Variants in PDE1C observed in about 807,000 individuals in gnomAD.
PDE1C encodes dual specificity calcium/calmodulin-dependent 3',5'-cyclic nucleotide phosphodiesterase 1C.
PDE1C carries 62 observed loss-of-function variants against 93.1 expected under a neutral mutation model. The ratio of observed to expected loss-of-function variants is 0.67; its 90% CI spans 0.54 to 0.82. PDE1C has a LOEUF of 0.82. Ranked by LOEUF, PDE1C falls within the 40% of genes least tolerant of loss-of-function variation. The pLI is 0.00. For synonymous variants in PDE1C, 325 were observed against 310.1 expected (o/e 1.05, Z -0.50); for missense variants, 742 against 884.6 (o/e 0.84, Z 2.04).
intron 9 of PDE1C, among the ~76,000 whole-genome samples, chr7:31,843,958 ATAACTTTATG>A (rs1283973453): frequency 1.3e-5 from 2 of 151,744 alleles, no homozygotes; most frequent in Admixed American, 6.6e-5. Flanking sequence ...TGTCTACTGT[ATAACTTTATG>A]TAACATTTAA....
At chr7:31,780,455 T>A (rs1357674175) in intron 16 of PDE1C, among the ~76,000 whole-genome samples, 2 of 152,240 alleles carry the variant, frequency 1.3e-5, no homozygotes, top group African/African-American at 4.8e-5. Context: ...GTTTGTTCCA[T>A]CTATGCTAGC....
intron 1 of PDE1C, among the ~76,000 whole-genome samples, chr7:32,337,887 T>G (rs1783661654): frequency 6.6e-6 from 1 of 151,814 alleles, no homozygotes; most frequent in African/African-American, 2.4e-5. Context: ...GGCAGCGGAG[T>G]CTTTTCAACA....
the PDE1C span, among the ~76,000 whole-genome samples, chr7:31,682,725 T>C: frequency 6.6e-6 from 1 of 152,206 alleles, no homozygotes; most frequent in African/African-American, 2.4e-5. Context: ...TCAGCTCAGA[T>C]GTCTTTCAGC....
At chr7:32,329,362 G>C (rs910279867) in intron 1 of PDE1C, among the ~76,000 whole-genome samples, 6 of 152,164 alleles carry the variant, frequency 3.9e-5, no homozygotes, top group African/African-American at 1.4e-4. Context: ...CGTAGCCATT[G>C]TTTACTGGGC....
At chr7:31,674,683 C>T in the PDE1C span, among the ~76,000 whole-genome samples, 2 of 152,084 alleles carry the variant, frequency 1.3e-5, no homozygotes, top group Non-Finnish European at 2.9e-5. Flanking sequence ...AGAATGGACT[C>T]TTTAAGAAAT....
chr7:31,796,731 T>TA (rs908457345), intron 16 of PDE1C, among the ~76,000 whole-genome samples: 19 of 151,434 alleles, frequency 1.3e-4, no homozygotes, highest in Middle Eastern at 3.2e-3. Flanking sequence ...CCCAAATCTA[T>TA]AAAAAAAACC....
rs141849128 is a variant in PDE1C, at chr7:31,953,649, T to A, written c.129-72789A>T. ...GCACTTTGACACAGGAGCCCCATTC[T>A]GAGAGAAATGCATGTTGACAGCAGA... On this transcript the variant is annotated intron_variant, in intron 2 of 17. Transcript: ENST00000396191. Among the ~76,000 whole-genome samples the A allele has an allele frequency of 4.6e-3, 707 of 152,318 alleles. 6 individuals are homozygous for A. Among genetic ancestry groups the A allele is most frequent in the African/African-American group, 0.016 (653 of 41,568 alleles).
chr7:32,369,630 T>C (rs1327201252), intron 1 of PDE1C, among the ~76,000 whole-genome samples: 1 of 152,202 alleles, frequency 6.6e-6, no homozygotes, highest in Non-Finnish European at 1.5e-5. Context: ...GCTATCCTAC[T>C]TCTTGCAATT....
chr7:31,784,031 T>C (rs1435720262), intron 16 of PDE1C: 1 of 152,156 alleles, frequency 6.6e-6, no homozygotes, highest in Non-Finnish European at 1.5e-5. Flanking sequence ...TAGTCATTGG[T>C]TGAGGTTTGG....
chr7:32,141,369 A>T (rs1800516493), intron 3 of PDE1C, among the ~76,000 whole-genome samples: 1 of 152,238 alleles, frequency 6.6e-6, no homozygotes, highest in Admixed American at 6.5e-5. Context: ...GAGCATGGAA[A>T]GGGGAATACG....
chr7:32,312,126 GC>G (rs1336560640), intron 1 of PDE1C, among the ~76,000 whole-genome samples: 1 of 151,922 alleles, frequency 6.6e-6, no homozygotes, highest in African/African-American at 2.4e-5. Context: ...CAAACAGAGA[GC>G]CAAATCATGA....
intron 2 of PDE1C, among the ~76,000 whole-genome samples, chr7:32,018,167 T>C (rs1168721733): frequency 4.6e-5 from 7 of 151,576 alleles, no homozygotes; most frequent in Non-Finnish European, 8.8e-5. Context: ...ATAACAAGCG[T>C]TGGTGATTAT....
At chr7:31,886,153 T>C (rs1797849501) in intron 2 of PDE1C, among the ~76,000 whole-genome samples, 1 of 152,212 alleles carries the variant, frequency 6.6e-6, no homozygotes. Context: ...TAAAAACTCA[T>C]TTGAATTAAA....
chr7:32,295,502 T>A (rs1812567590), intron 1 of PDE1C, among the ~76,000 whole-genome samples: 1 of 152,288 alleles, frequency 6.6e-6, no homozygotes, highest in East Asian at 1.9e-4. Context: ...AGCTGGTAAA[T>A]CTTTTCAGAA....
intron 3 of PDE1C, among the ~76,000 whole-genome samples, chr7:32,109,290 A>G (rs1463245314): frequency 3.9e-5 from 6 of 152,228 alleles, no homozygotes; most frequent in African/African-American, 1.4e-4. Context: ...GGGATAACAT[A>G]GGCTTTAATA....
chr7:32,299,848 G>A (rs549812110), upstream of PDE1C, among the ~76,000 whole-genome samples: 1 of 152,298 alleles, frequency 6.6e-6, no homozygotes, highest in East Asian at 1.9e-4. Context: ...ATGCCCACGG[G>A]AAAAGAGACC....
At chr7:32,238,407 C>T (rs1244972348) in intron 1 of PDE1C, among the ~76,000 whole-genome samples, 1 of 152,224 alleles carries the variant, frequency 6.6e-6, no homozygotes, top group Non-Finnish European at 1.5e-5. Flanking sequence ...TGTCAGTTCT[C>T]TCCAAATAAA....
intron 1 of PDE1C, among the ~76,000 whole-genome samples, chr7:32,068,317 G>C (rs1481402685): frequency 6.6e-6 from 1 of 152,104 alleles, no homozygotes; most frequent in Admixed American, 6.5e-5. Flanking sequence ...CTGCAAAAAT[G>C]TTATTCCAAG....
chr7:32,035,342 C>A (rs1281377671), intron 2 of PDE1C, among the ~76,000 whole-genome samples: 1 of 152,148 alleles, frequency 6.6e-6, no homozygotes. Context: ...TCACTCTGAA[C>A]CCCTAAATAC....
Sources: gnomAD v4.1 joint callset for allele counts (sites outside exome capture counted in the v4.1 genomes callset) on GRCh38, gnomAD v4.1.1 for gene constraint, MANE v1.5 for transcripts, NCBI Gene and HGNC (gene_info 2026-07-23, HGNC 2026-07-21) for gene names.